Variants in LZTFL1 observed in about 807,000 individuals in gnomAD.
LZTFL1 encodes the protein leucine zipper transcription factor-like protein 1.
Under a neutral mutation model 45.9 loss-of-function variants are expected in LZTFL1, and 25 were observed. The ratio of observed to expected loss-of-function variants is 0.54; its 90% confidence interval spans 0.40 to 0.76. The LOEUF is 0.76. LZTFL1 is among the 30% of genes least tolerant of loss of function. LZTFL1 has a pLI of 0.00. For synonymous variants in LZTFL1, 93 were observed against 117.4 expected, an observed-to-expected ratio of 0.79 and a Z score of 1.35; for missense variants, 277 against 331.1, an observed-to-expected ratio of 0.84 and a Z score of 1.27.
chr3:45,897,975 C>CA (rs72284250), intron 2 of LZTFL1, among the ~76,000 whole-genome samples: 40,654 of 105,696 alleles, frequency 0.38, 7,292 homozygotes, highest in Admixed American at 0.47. Context: ...GCTATTTGAC[C>CA]AAAAAAAAAA....
chr3:45,901,831 G>C lies in LZTFL1; in HGVS notation c.-215+11289C>G. 6.2e-7 allele frequency: 1 copy of C among 1,613,424 alleles called. No homozygotes were observed. Among genetic ancestry groups the C allele is most frequent in the Non-Finnish European group, 8.5e-7 (1 of 1,179,364 alleles). On this transcript the variant is annotated intron_variant, in intron 2 of 4. Coordinates refer to the LZTFL1 transcript ENST00000472635. The surrounding 1 kb of genome is among the most constrained non-coding windows in gnomAD (Gnocchi z 4.3). ...CAGGCCCAGTGGGTTTCATTTACAAGGAGAGAGGGAAGCTTGAAGCTGTCG... is the reference window on the plus strand; with the variant it reads ...CAGGCCCAGTGGGTTTCATTTACAACGAGAGAGGGAAGCTTGAAGCTGTCG...
chr3:45,853,385 A>G (rs1438183920), intron 4 of LZTFL1, among the ~76,000 whole-genome samples: 1 of 152,222 alleles, frequency 6.6e-6, no homozygotes, highest in Non-Finnish European at 1.5e-5. Flanking sequence ...CAAGGTGCAT[A>G]GAAATTTTGG....
chr3:45,913,024 C>A, intron 2 of LZTFL1: 1 of 1,223,066 alleles, frequency 8.2e-7, no homozygotes, highest in Non-Finnish European at 1.1e-6. Flanking sequence ...AATCTAAATT[C>A]AAGTAAAATG....
intron 4 of LZTFL1, among the ~76,000 whole-genome samples, chr3:45,851,751 C>G (rs9843446): frequency 0.86 from 130,698 of 151,832 alleles, 56,806 homozygotes; most frequent in East Asian, 1. Context: ...GGGAGGCTGA[C>G]GCGGGAGGAT....
At chr3:45,895,485 C>T (rs948786882) in intron 2 of LZTFL1, among the ~76,000 whole-genome samples, 3 of 152,110 alleles carry the variant, frequency 2.0e-5, no homozygotes, top group Admixed American at 6.5e-5. Context: ...CAGAGGCGGG[C>T]GGATCACCTG....
intron 5 of LZTFL1, 119 bp from the exon 6 acceptor site, chr3:45,831,257 G>A (rs548003850): frequency 6.5e-5 from 39 of 600,340 alleles, no homozygotes; most frequent in Non-Finnish European, 1.1e-4. Context: ...GCTCAAAAAT[G>A]TACTACTGAT....
Position 45,827,437 on chromosome 3 carries a change from T to G in LZTFL1, c.800A>C (p.Gln267Pro). The G allele has an allele frequency of 6.2e-7, 1 of 1,613,114 alleles. No individual in the cohort carries two copies. The highest frequency in any genetic ancestry group is 8.5e-7 in the Non-Finnish European group (1 of 1,179,148). ...TTTCATGTTTCGATAAGCTGCTGTT[T>G]GCTGAAATTTCTTTTCTAATTCCTG... ...AEKELEKKFQ[Q>P]TAAYRNMKEI... The change falls in exon 9 of 10, where the codon CAA becomes CCA. Residue 267 changes from glutamine to proline, a missense_variant. Physicochemically the swap from Gln to Pro is moderately conservative, Grantham distance 76. Transcript: ENST00000296135.
At chr3:45,884,857 G>A (rs1334201962) in intron 2 of LZTFL1, among the ~76,000 whole-genome samples, 1 of 152,196 alleles carries the variant, frequency 6.6e-6, no homozygotes, top group Non-Finnish European at 1.5e-5. Flanking sequence ...TTCCTTTTGT[G>A]TCTTTATTTG....
At chr3:45,865,922 G>T (rs899795648) in intron 2 of LZTFL1, among the ~76,000 whole-genome samples, 2 of 152,148 alleles carry the variant, frequency 1.3e-5, no homozygotes, top group African/African-American at 2.4e-5. Flanking sequence ...ATAACAAACT[G>T]GTATAGGCCA....
At chr3:45,882,121 T>C (rs993238994) in intron 2 of LZTFL1, among the ~76,000 whole-genome samples, 4 of 152,250 alleles carry the variant, frequency 2.6e-5, no homozygotes, top group Non-Finnish European at 4.4e-5. Context: ...TCAAGACTTA[T>C]ATCAGGTGAA....
At chr3:45,879,480 G>T (rs1282344701) in intron 2 of LZTFL1, among the ~76,000 whole-genome samples, 2 of 152,194 alleles carry the variant, frequency 1.3e-5, no homozygotes, top group Non-Finnish European at 2.9e-5. Context: ...ACAGTAAAAA[G>T]GTCAGTGGTT....
At chr3:45,899,817 G>C (rs1258613134) in intron 2 of LZTFL1, among the ~76,000 whole-genome samples, 1 of 152,158 alleles carries the variant, frequency 6.6e-6, no homozygotes, top group African/African-American at 2.4e-5. Flanking sequence ...TGACTCAAGG[G>C]CTTACATCTC....
intron 1 of LZTFL1, among the ~76,000 whole-genome samples, chr3:45,838,261 G>C (rs141945741): frequency 2.8e-4 from 43 of 152,226 alleles, no homozygotes; most frequent in African/African-American, 9.9e-4. Context: ...TCTCAGCAAT[G>C]AATGTTGTGG....
chr3:45,897,627 C>G, intron 2 of LZTFL1: 1 of 1,534,352 alleles, frequency 6.5e-7, no homozygotes, highest in Non-Finnish European at 8.7e-7. Flanking sequence ...CTTCCAGGAC[C>G]TTAGCCCAGG....
intron 2 of LZTFL1, among the ~76,000 whole-genome samples, chr3:45,909,744 G>A (rs1181207766): frequency 6.6e-6 from 1 of 152,208 alleles, no homozygotes; most frequent in African/African-American, 2.4e-5. Flanking sequence ...AAGGCCTCAC[G>A]CCGTGGGTGG....
chr3:45,826,386 A>C, intron 9 of LZTFL1, 54 bp from the exon 10 acceptor site: 2 of 1,434,152 alleles, frequency 1.4e-6, no homozygotes, highest in Non-Finnish European at 2.0e-6. Flanking sequence ...TGTTGTTATT[A>C]CCAAATAAGT....
intron 1 of LZTFL1, chr3:45,841,591 T>G: frequency 9.4e-6 from 2 of 213,216 alleles, no homozygotes; most frequent in East Asian, 9.7e-5. Flanking sequence ...ACCCTGCGTA[T>G]GTGTTAATGT....
chr3:45,835,682 G>A lies in LZTFL1; in HGVS notation c.231C>T (p.Ala77=). The change falls in exon 3 of 10, where the codon GCC becomes GCT. Residue 77 remains alanine, a synonymous_variant. Coordinates refer to ENST00000296135, the MANE Select transcript of LZTFL1 (RefSeq NM_020347.4). Reference sequence around the variant, plus strand: ...GTCGCAGAAGTAACACATTGGTATAGGCAGTGTTGATGAGCTCAGATTCCA... The same window carrying A: ...GTCGCAGAAGTAACACATTGGTATAAGCAGTGTTGATGAGCTCAGATTCCA... The part of the protein sequence containing the change: ...SEVESELINT[A]YTNVLLLRQL... 6.2e-7 allele frequency: 1 copy of A among 1,613,870 alleles called. No homozygotes were observed. Among genetic ancestry groups the A allele is most frequent in the Non-Finnish European group, 8.5e-7 (1 of 1,179,728 alleles).
chr3:45,868,260 C>G (rs1036090225), intron 2 of LZTFL1, among the ~76,000 whole-genome samples: 1 of 150,320 alleles, frequency 6.7e-6, no homozygotes, highest in South Asian at 2.1e-4. Context: ...TTCTACTGAA[C>G]CTGTGCAAGT....
Sources: allele counts gnomAD v4.1 joint callset (sites outside exome capture counted in the v4.1 genomes callset), GRCh38; gene constraint gnomAD v4.1.1; non-coding constraint Gnocchi (gnomAD v3.1); transcripts MANE v1.5; gene names NCBI Gene and HGNC (gene_info 2026-07-23, HGNC 2026-07-21).